The following CARD14 variants were observed in gnomAD, a reference collection of about 807,000 sequenced individuals.
The protein encoded by CARD14 is caspase recruitment domain family member 14, also known as caspase recruitment domain-containing protein 14.
A neutral mutation model predicts 111.5 loss-of-function variants in CARD14; 107 were observed. That is an observed-to-expected ratio of 0.96 (90% CI 0.82 to 1.13). CARD14 has a LOEUF of 1.13. Among genes scored for constraint, CARD14 ranks in the 50% most tolerant of loss-of-function variants. The pLI is 0.00. For missense variants in CARD14, 1,322 were observed against 1,362.3 expected (o/e 0.97, Z 0.47); for synonymous variants, 617 against 579.6 (o/e 1.06, Z -0.93).
rs758462235 is a variant in CARD14, at chr17:80,189,873, G to A, written c.963+1G>A. ...GGCTGCCGAGAGGCAGCGAGAGCAG[G>A]TGCCGTGTGAGCCCTTCCTCCCTTG... On this transcript the variant is annotated splice_donor_variant, in intron 9 of 23. Coordinates refer to ENST00000648509, the MANE Select transcript of CARD14 (RefSeq NM_001366385.1). LOFTEE classifies it high-confidence loss of function. The surrounding 1 kb of genome is among the most constrained non-coding windows in gnomAD (Gnocchi z 4.7). 3 of 1,595,326 alleles carry A rather than the reference G, an allele frequency of 1.9e-6. No homozygotes were observed. Among genetic ancestry groups the A allele is most frequent in the South Asian group, 1.1e-5 (1 of 89,224 alleles).
rs548556836 is a variant in CARD14 at position 80,189,376 on chromosome 17, C to T, written c.844-377C>T. Among the ~76,000 whole-genome samples the T allele has an allele frequency of 3.9e-5, 6 of 152,272 alleles. No individual in the cohort carries two copies. Among genetic ancestry groups the T allele is most frequent in the East Asian group, 3.9e-4 (2 of 5,186 alleles). ...CCAGGGCACTGGCCATCTTGCAGCC[C>T]GGATTGTGTCTCTGTTTATAAGCTC... On this transcript the variant is annotated intron_variant, in intron 8 of 23. Transcript: ENST00000648509. The surrounding 1 kb of genome is among the most constrained non-coding windows in gnomAD (Gnocchi z 4.7).
Position 80,195,731 on chromosome 17 carries a change from C to A in CARD14, c.1594+79C>A. On this transcript the variant is annotated intron_variant, in intron 14 of 23. Transcript: ENST00000648509. The surrounding 1 kb of genome is among the most constrained non-coding windows in gnomAD (Gnocchi z 4.7). The stretch of plus-strand genomic sequence containing the variant: ...CAGGGAGCTGATGAGAAAGCCGGGG[C>A]CTCTCTCCAGGGAAAGGGCAGATAG... 3.2e-6 allele frequency: 4 copies of A among 1,233,854 alleles called. No individual in the cohort carries two copies. The highest frequency in any genetic ancestry group is 4.6e-6 in the Non-Finnish European group (4 of 871,526). 76.4% of individuals were successfully genotyped at this position (1,233,854 alleles called of 1,614,324 possible). A position where few individuals can be genotyped will look rare whatever the true frequency, so the allele number is the denominator to read the frequency against.
intron 11 of CARD14, 34 bp from the exon 12 acceptor site, chr17:80,192,469 G>T (rs892054421): frequency 6.4e-7 from 1 of 1,571,902 alleles, no homozygotes; most frequent in South Asian, 1.1e-5. Flanking sequence ...AACCTTTCCC[G>T]AATTAACCAG....
Position 80,189,621 on chromosome 17 carries a change from G to C in CARD14, c.844-132G>C. 1 of 1,157,426 alleles carries C rather than the reference G, an allele frequency of 8.6e-7. No individual in the cohort carries two copies. Among genetic ancestry groups the C allele is most frequent in the Non-Finnish European group, 1.2e-6 (1 of 866,462 alleles). 71.7% of individuals were successfully genotyped at this position (1,157,426 alleles called of 1,614,324 possible). ...CTTTTCCGTGGCTTCTCTCCTGCCC[G>C]GTGTAGAGTGGCAAGACTGCATCCG... On this transcript the variant is annotated intron_variant, in intron 8 of 23. Coordinates refer to ENST00000648509, the MANE Select transcript of CARD14 (RefSeq NM_001366385.1). This position sits in a 1 kb window ranked among gnomAD's most constrained non-coding sequence, Gnocchi z 4.7.
chr17:80,202,459 G>A, intron 18 of CARD14, 39 bp downstream of exon 18: 2 of 1,594,250 alleles, frequency 1.3e-6, no homozygotes, highest in South Asian at 1.1e-5. Context: ...CCCCAGAGAG[G>A]CCCACAGGGA....
chr17:80,199,587 GA>G (rs1017797997), intron 16 of CARD14, among the ~76,000 whole-genome samples: 6 of 120,550 alleles, frequency 5.0e-5, no homozygotes, highest in South Asian at 2.7e-4. Context: ...AAAAAGAAAA[GA>G]AAAAAAAAGG....
At chr17:80,204,042 G>A (rs1030109905) in intron 19 of CARD14, 157 bp downstream of exon 19, 7 of 802,908 alleles carry the variant, frequency 8.7e-6, no homozygotes, top group Non-Finnish European at 2.0e-6. Context: ...CCAGGGCAGG[G>A]TCTGCAGCCC....
rs558759055 is a variant in CARD14 at position 80,199,933 on chromosome 17, A to T, written c.1851+1342A>T. ...ACAGTGCTTTCTTAATATGAAAAAA[A>T]TTTTAAACCAAGAAATGTGCAAGAT... On this transcript the variant is annotated intron_variant, in intron 16 of 23. Transcript: ENST00000648509. Among the ~76,000 whole-genome samples, 513 of 152,112 alleles carry T rather than the reference A, an allele frequency of 3.4e-3. 3 individuals are homozygous for T. Among genetic ancestry groups the T allele is most frequent in the African/African-American group, 0.011 (459 of 41,522 alleles).
Position 80,181,582 on chromosome 17 carries a change from G to C in CARD14, c.144G>C (p.Val48=). The change falls in exon 5 of 24, where the codon GTG becomes GTC. Residue 48 remains valine (V), a synonymous_variant. Transcript: ENST00000648509. ...CCCCCTACCTGCGCCAGGCCAAGGT[G>C]CTGTGCCAGCTGGACGAGGAGGAGG... ...RLTPYLRQAK[V]LCQLDEEEVL... is the part of the protein sequence containing the mutation. 6.4e-7 allele frequency: 1 copy of C among 1,563,556 alleles called. No individual in the cohort carries two copies. Among genetic ancestry groups the C allele is most frequent in the Non-Finnish European group, 8.7e-7 (1 of 1,154,174 alleles).
chr17:80,201,512 G>C lies in CARD14; in HGVS notation c.1852-232G>C. The C allele has an allele frequency of 3.6e-6, 2 of 547,992 alleles. No individual in the cohort carries two copies. The highest frequency in any genetic ancestry group is 4.3e-5 in the South Asian group (2 of 46,044). The allele number at this position is 547,992 out of a possible 1,614,324, so 33.9% of individuals were successfully genotyped here. On this transcript the variant is annotated intron_variant, in intron 16 of 23. Transcript: ENST00000648509. This position sits in a 1 kb window ranked among gnomAD's most constrained non-coding sequence, Gnocchi z 5.0. ...CAAAGAACCCCCGATCTCGACTGGGGAAGGGTTGGCAGTTGACTCTCTGGC... is the reference window on the plus strand; with the variant it reads ...CAAAGAACCCCCGATCTCGACTGGGCAAGGGTTGGCAGTTGACTCTCTGGC...
rs1409420374 is a variant in CARD14, at chr17:80,204,024, C to T, written c.2283+139C>T. 22 of 814,444 alleles carry T rather than the reference C, an allele frequency of 2.7e-5. No individual in the cohort carries two copies. In the East Asian group the frequency reaches 3.8e-4, roughly 14 times the overall value. 50.5% of individuals were successfully genotyped at this position (814,444 alleles called of 1,614,324 possible). ...ACCCCACCTGTCTCTCCTCTGCACC[C>T]CTTCAAACCAGGGCAGGGTCTGCAG... is the stretch of plus-strand genomic sequence containing the variant. On this transcript the variant is annotated intron_variant, in intron 19 of 23. Coordinates refer to ENST00000648509, the MANE Select transcript of CARD14 (RefSeq NM_001366385.1).
chr17:80,200,190 C>T (rs995280373), intron 16 of CARD14, among the ~76,000 whole-genome samples: 23 of 150,886 alleles, frequency 1.5e-4, no homozygotes, highest in Non-Finnish European at 2.8e-4. Flanking sequence ...GCGTCCTTCA[C>T]GTCCTCCACA....
chr17:80,170,379 G>C (rs2039867237), intron 1 of CARD14: 1 of 152,248 alleles, frequency 6.6e-6, no homozygotes, highest in Non-Finnish European at 1.5e-5. Flanking sequence ...TGGGATGAAA[G>C]ACAGCAGAAG....
intron 7 of CARD14, among the ~76,000 whole-genome samples, chr17:80,184,567 C>T (rs1201200095): frequency 6.6e-6 from 1 of 152,258 alleles, no homozygotes; most frequent in African/African-American, 2.4e-5. Context: ...GTAGGGCCGC[C>T]TACGTCCCAC....
chr17:80,205,733 T>C, intron 22 of CARD14, 81 bp downstream of exon 22: 2 of 1,390,924 alleles, frequency 1.4e-6, no homozygotes, highest in Non-Finnish European at 1.9e-6. Flanking sequence ...GAGATAAAGG[T>C]ACAGGGACCG....
Position 80,189,905 on chromosome 17 carries a change from T to G in CARD14, c.963+33T>G. The G allele has an allele frequency of 6.3e-7, 1 of 1,579,852 alleles. No individual in the cohort carries two copies. The highest frequency in any genetic ancestry group is 1.2e-5 in the South Asian group (1 of 86,856). On this transcript the variant is annotated intron_variant, in intron 9 of 23. Coordinates refer to ENST00000648509, the MANE Select transcript of CARD14 (RefSeq NM_001366385.1). This position sits in a 1 kb window ranked among gnomAD's most constrained non-coding sequence, Gnocchi z 4.7. ...GTGAGCCCTTCCTCCCTTGTGACTCTCCTGGGGCTTGTCTCAGGGGTGCGG... is the reference window on the plus strand; with the variant it reads ...GTGAGCCCTTCCTCCCTTGTGACTCGCCTGGGGCTTGTCTCAGGGGTGCGG...
rs1003951860 is a variant in CARD14 at position 80,201,794 on chromosome 17, G to A, written c.1902G>A (p.Thr634=). The A allele has an allele frequency of 3.7e-6, 6 of 1,613,866 alleles. No homozygotes were observed. The Admixed American group carries it at 6.7e-5, about 18-fold the overall frequency. Residue 634 remains threonine (T), a synonymous_variant, in exon 17 of 24, where the codon ACG becomes ACA. Transcript: ENST00000648509. This position sits in a 1 kb window ranked among gnomAD's most constrained non-coding sequence, Gnocchi z 5.0. Reference sequence around the variant, plus strand: ...TGTTCAAGGCAGTCCTGGAGGACACGACCCTGGAGGAGGCCGTGGGGCTTC... The same window carrying A: ...TGTTCAAGGCAGTCCTGGAGGACACAACCCTGGAGGAGGCCGTGGGGCTTC... ...EPLFKAVLED[T]TLEEAVGLLR... is the part of the protein sequence containing the mutation.
At chr17:80,190,578 A>G (rs1433278982) in intron 9 of CARD14, among the ~76,000 whole-genome samples, 196 bp from the exon 10 acceptor site, 2 of 149,270 alleles carry the variant, frequency 1.3e-5, no homozygotes, top group Admixed American at 6.8e-5. Flanking sequence ...GCGCCATTGC[A>G]CTCCAGCCTT....
Position 80,201,657 on chromosome 17 carries a change from T to A in CARD14, c.1852-87T>A. ...TCCTACGGCAGGGCTGGCCCGCGCC[T>A]CGCCTCAGTGCCCTCAGCGCCTTCT... is the stretch of plus-strand genomic sequence containing the variant. On this transcript the variant is annotated intron_variant, in intron 16 of 23. Coordinates refer to ENST00000648509, the MANE Select transcript of CARD14 (RefSeq NM_001366385.1). This position sits in a 1 kb window ranked among gnomAD's most constrained non-coding sequence, Gnocchi z 5.0. 1.4e-6 allele frequency: 2 copies of A among 1,464,828 alleles called. No homozygotes were observed. Among genetic ancestry groups the A allele is most frequent in the Non-Finnish European group, 1.9e-6 (2 of 1,048,800 alleles). 90.7% of individuals were successfully genotyped at this position (1,464,828 alleles called of 1,614,324 possible). A position where few individuals can be genotyped will look rare whatever the true frequency, so the allele number is the denominator to read the frequency against.
Sources: gnomAD v4.1 joint callset for allele counts (sites outside exome capture counted in the v4.1 genomes callset) on GRCh38, gnomAD v4.1.1 for gene constraint, Gnocchi (gnomAD v3.1) non-coding constraint, MANE v1.5 for transcripts, NCBI Gene and HGNC (gene_info 2026-07-23, HGNC 2026-07-21) for gene names.